The following NRG1 variants were observed in gnomAD, a reference collection of about 807,000 sequenced individuals.
NRG1 encodes neuregulin 1.
In NRG1, 18 loss-of-function variants were observed where a neutral mutation model predicts 63.8. The observed-to-expected ratio is 0.28, with a 90% CI of 0.19 to 0.42. NRG1 has a LOEUF of 0.42. Among genes scored for constraint, NRG1 ranks in the 10% least tolerant of loss-of-function variants. The pLI is 1.00. For missense variants in NRG1, 762 were observed against 814.7 expected, an observed-to-expected ratio of 0.94 and a Z score of 0.79; for synonymous variants, 302 against 301.3, an observed-to-expected ratio of 1.00 and a Z score of -0.02.
At chr8:31,682,086 G>A (rs1424556416) in intron 1 of NRG1, among the ~76,000 whole-genome samples, 2 of 152,100 alleles carry the variant, frequency 1.3e-5, no homozygotes, top group East Asian at 1.9e-4. Flanking sequence ...CTTCCCTAAA[G>A]AGCCTATGTG....
chr8:32,447,716 T>A (rs891676894), intron 1 of NRG1, among the ~76,000 whole-genome samples: 1 of 151,976 alleles, frequency 6.6e-6, no homozygotes, highest in African/African-American at 2.4e-5. Flanking sequence ...AAAAAATATT[T>A]TTTAAAATTA....
intron 5 of NRG1, among the ~76,000 whole-genome samples, chr8:32,635,588 A>T (rs1851186622): frequency 6.6e-6 from 1 of 151,816 alleles, no homozygotes; most frequent in Admixed American, 6.6e-5. Context: ...CATTCAACAC[A>T]TTTTTCCCCC....
At chr8:32,724,159 C>A (rs1821439703) in intron 5 of NRG1, among the ~76,000 whole-genome samples, 1 of 152,152 alleles carries the variant, frequency 6.6e-6, no homozygotes, top group African/African-American at 2.4e-5. Context: ...ATAAAGTGGT[C>A]ACATAAATGG....
At chr8:32,375,887 G>A (rs771139701) in intron 1 of NRG1, among the ~76,000 whole-genome samples, 2 of 152,004 alleles carry the variant, frequency 1.3e-5, no homozygotes, top group East Asian at 1.9e-4. Context: ...GAGTATGGTC[G>A]GCCCTTAAAG....
intron 1 of NRG1, among the ~76,000 whole-genome samples, chr8:32,485,175 C>T (rs7014474): frequency 0.62 from 94,330 of 150,970 alleles, 29,614 homozygotes; most frequent in East Asian, 0.79. Context: ...AGTGTAATGG[C>T]GCAATCTTGG....
At chr8:32,548,515 G>T in exon 1 of NRG1, 1 of 1,237,192 alleles carries the variant, frequency 8.1e-7, no homozygotes, top group Non-Finnish European at 1.0e-6. Context: ...GAGCCAGGGC[G>T]AGCGCCCGTT....
chr8:31,962,292 G>C (rs184120453), intron 1 of NRG1, among the ~76,000 whole-genome samples: 10 of 152,270 alleles, frequency 6.6e-5, no homozygotes, highest in African/African-American at 2.4e-4. Context: ...GACTGACCTA[G>C]AGTTACGGAG....
intron 1 of NRG1, among the ~76,000 whole-genome samples, chr8:31,959,159 A>G (rs1038482664): frequency 3.9e-5 from 6 of 152,040 alleles, no homozygotes; most frequent in African/African-American, 1.4e-4. Context: ...CCCTTTTACT[A>G]CTCTAACAAT....
At chr8:31,653,659 A>G (rs1448110512) in intron 1 of NRG1, among the ~76,000 whole-genome samples, 2 of 152,218 alleles carry the variant, frequency 1.3e-5, no homozygotes, top group Non-Finnish European at 2.9e-5. Context: ...AAAGGCATCT[A>G]TGTGTGTATG....
intron 1 of NRG1, among the ~76,000 whole-genome samples, chr8:32,427,749 G>A (rs1317719444): frequency 6.6e-6 from 1 of 152,086 alleles, no homozygotes; most frequent in African/African-American, 2.4e-5. Context: ...TCTAACGTGT[G>A]CGACAGGATA....
chr8:32,513,178 TGTGTGTGTGTGTGTATGCGTGTGTGC>T (rs937235351), intron 1 of NRG1, among the ~76,000 whole-genome samples: 12 of 146,740 alleles, frequency 8.2e-5, no homozygotes, highest in African/African-American at 3.1e-4. Context: ...CTGGTGTGTG[TGTGTGTGTGTGTGTATGCGTGTGTGC>T]GTGTGTGTGT....
chr8:32,581,185 C>T (rs554811270), intron 1 of NRG1, among the ~76,000 whole-genome samples: 43 of 152,258 alleles, frequency 2.8e-4, no homozygotes, highest in Middle Eastern at 3.4e-3. Flanking sequence ...GTAACTGATG[C>T]ACAATGATAT....
At chr8:31,717,767 G>A (rs1205587129) in intron 1 of NRG1, among the ~76,000 whole-genome samples, 2 of 151,970 alleles carry the variant, frequency 1.3e-5, no homozygotes, top group Non-Finnish European at 2.9e-5. Context: ...CCAAAGTGTT[G>A]TAACCTAGCT....
rs182030307 is a variant in NRG1 at position 31,693,197 on chromosome 8, C to T, written c.37+53766C>T. 1.1e-3 allele frequency among the ~76,000 whole-genome samples: 160 copies of T among 152,240 alleles called. 2 individuals carry two copies. The highest frequency in any genetic ancestry group is 3.4e-3 in the Middle Eastern group (1 of 294). On this transcript the variant is annotated intron_variant, in intron 1 of 10. Coordinates refer to the NRG1 transcript ENST00000519301. ...CTTACTGCAAAGGGATTCCAAAGCTCTTGAAAAATAGGAAGTAGCTCATCC... is the reference window on the plus strand; with the variant it reads ...CTTACTGCAAAGGGATTCCAAAGCTTTTGAAAAATAGGAAGTAGCTCATCC...
At chr8:31,744,840 C>T (rs1355670758) in intron 1 of NRG1, among the ~76,000 whole-genome samples, 1 of 151,956 alleles carries the variant, frequency 6.6e-6, no homozygotes, top group African/African-American at 2.4e-5. Context: ...CAGAATTGTG[C>T]TGCTTTTATT....
intron 10 of NRG1, among the ~76,000 whole-genome samples, chr8:32,759,831 G>T (rs940508148): frequency 2.0e-5 from 3 of 152,122 alleles, no homozygotes; most frequent in Non-Finnish European, 4.4e-5. Context: ...CCCCACCTGA[G>T]TGCACTTACT....
intron 1 of NRG1, among the ~76,000 whole-genome samples, chr8:31,878,750 G>A (rs1369902891): frequency 6.6e-6 from 1 of 152,174 alleles, no homozygotes; most frequent in Admixed American, 6.5e-5. Flanking sequence ...CTTGAGGCCT[G>A]TTGGACTACA....
At chr8:32,276,288 C>A (rs62497579) in intron 1 of NRG1, among the ~76,000 whole-genome samples, 30,237 of 152,154 alleles carry the variant, frequency 0.2, 3,744 homozygotes, top group East Asian at 0.57. Context: ...TGAGTAAGAA[C>A]ATGTGGTATT....
At chr8:32,428,857 C>T (rs1817763394) in intron 1 of NRG1, among the ~76,000 whole-genome samples, 1 of 152,128 alleles carries the variant, frequency 6.6e-6, no homozygotes, top group Non-Finnish European at 1.5e-5. Flanking sequence ...TGGTTCAAGA[C>T]CTAGAGAAAT....
Sources: allele counts gnomAD v4.1 joint callset (sites outside exome capture counted in the v4.1 genomes callset), GRCh38; gene constraint gnomAD v4.1.1; transcripts MANE v1.5; gene names NCBI Gene and HGNC (gene_info 2026-07-23, HGNC 2026-07-21).